The following NSD1 variants were observed in gnomAD, a reference collection of about 807,000 sequenced individuals.
NSD1 encodes the protein histone-lysine N-methyltransferase, H3 lysine-36 specific.
In NSD1, 26 loss-of-function variants were observed where a neutral mutation model predicts 242.7. That is an observed-to-expected ratio of 0.11 (90% confidence interval 0.08 to 0.15). NSD1 has a LOEUF of 0.15. Ranked by LOEUF, NSD1 falls within the 10% of genes least tolerant of loss-of-function variation. The pLI is 1.00. For missense variants in NSD1, 2,495 were observed against 3,272.8 expected (o/e 0.76, Z 5.80); for synonymous variants, 1,106 against 1,178.1 (o/e 0.94, Z 1.25).
Position 177,135,760 on chromosome 5 carries a change from C to T in NSD1, c.657C>T (p.His219=), listed in dbSNP as rs747056546. The stretch of plus-strand genomic sequence containing the variant: ...AAGACAGCACACCAGAGAGTAGACA[C>T]GGTGCAGTCAAATCGCCATTCTTGC... The part of the protein sequence containing the change: ...SEQDSTPESR[H]GAVKSPFLPL... The change falls in exon 2 of 23, where the codon CAC becomes CAT. Residue 219 remains histidine, a synonymous_variant. Transcript: ENST00000439151. 29 of 1,613,918 alleles carry T rather than the reference C, an allele frequency of 1.8e-5. No homozygotes were observed. Among genetic ancestry groups the T allele is most frequent in the East Asian group, 2.2e-5 (1 of 44,882 alleles).
chr5:177,195,791 A>C (rs1762064804), intron 3 of NSD1, among the ~76,000 whole-genome samples: 2 of 152,182 alleles, frequency 1.3e-5, no homozygotes, highest in Non-Finnish European at 2.9e-5. Context: ...TTTCTTATGC[A>C]TACTAGTTGA....
Position 177,288,930 on chromosome 5 carries a change from C to G in NSD1, c.6258+5C>G. The G allele has an allele frequency of 6.2e-7, 1 of 1,605,116 alleles. No individual in the cohort carries two copies. Among genetic ancestry groups the G allele is most frequent in the Non-Finnish European group, 8.5e-7 (1 of 1,171,842 alleles). On this transcript the variant is annotated splice_donor_5th_base_variant and intron_variant, in intron 21 of 22. Transcript: ENST00000439151. Reference sequence around the variant, plus strand: ...TTCTTGGGTGTAAGGCCAAAGGTACCACCCTTCTAGACTTCTGCTTTGGGA... The same window carrying G: ...TTCTTGGGTGTAAGGCCAAAGGTACGACCCTTCTAGACTTCTGCTTTGGGA...
intron 14 of NSD1, among the ~76,000 whole-genome samples, chr5:177,264,085 G>C (rs1197626422): frequency 7.9e-6 from 1 of 126,444 alleles, no homozygotes; most frequent in Non-Finnish European, 1.6e-5. Flanking sequence ...CGTCAGGCTG[G>C]AGTGCAGTGG....
At chr5:177,175,033 G>A (rs916428200) in intron 2 of NSD1, among the ~76,000 whole-genome samples, 2 of 151,550 alleles carry the variant, frequency 1.3e-5, no homozygotes, top group South Asian at 2.1e-4. Flanking sequence ...CACCACGCCC[G>A]GCTAATTTTT....
intron 2 of NSD1, among the ~76,000 whole-genome samples, chr5:177,181,169 A>G (rs1284275490): frequency 6.6e-6 from 1 of 151,714 alleles, no homozygotes; most frequent in African/African-American, 2.4e-5. Flanking sequence ...AGCTGGGACT[A>G]CAGGCACCTG....
At chr5:177,186,011 A>T (rs1177514253) in intron 2 of NSD1, among the ~76,000 whole-genome samples, 156 of 94,506 alleles carry the variant, frequency 1.7e-3, no homozygotes, top group African/African-American at 6.4e-3. Context: ...AATTTATATT[A>T]TATATTATAT....
chr5:177,290,083 C>T (rs1032111830), intron 21 of NSD1, among the ~76,000 whole-genome samples: 30 of 151,726 alleles, frequency 2.0e-4, no homozygotes, highest in Admixed American at 1.3e-3. Context: ...CCGCCTTAGC[C>T]TCCCAAAGTG....
chr5:177,244,510 G>C (rs568151795), intron 9 of NSD1, among the ~76,000 whole-genome samples: 2 of 152,262 alleles, frequency 1.3e-5, no homozygotes, highest in East Asian at 3.9e-4. Context: ...AGAGAGTTAG[G>C]TTATTATCTA....
chr5:177,160,940 T>C (rs1758698803), intron 2 of NSD1, among the ~76,000 whole-genome samples: 1 of 152,082 alleles, frequency 6.6e-6, no homozygotes, highest in African/African-American at 2.4e-5. Context: ...AGCTAATTTT[T>C]GTGTTTTTAG....
intron 2 of NSD1, among the ~76,000 whole-genome samples, chr5:177,174,625 C>G (rs1416915807): frequency 1.3e-5 from 2 of 151,560 alleles, no homozygotes; most frequent in African/African-American, 4.8e-5. Context: ...ATGGCGTGAT[C>G]TTGGCTCACT....
At position 177,292,085 on chromosome 5, in the gene NSD1, C is replaced by G. The variant is rs764586761; in HGVS notation, c.6390C>G (p.Leu2130=). 1 of 1,614,110 alleles carries G rather than the reference C, an allele frequency of 6.2e-7. No homozygotes were observed. Among genetic ancestry groups the G allele is most frequent in the Admixed American group, 1.7e-5 (1 of 60,008 alleles). The part of the protein sequence containing the change: ...ECFSCGDAGQ[L]VSCKKPGCPK... ...TTAGTTGTGGGGATGCTGGCCAGCT[C>G]GTCTCCTGCAAGAAACCAGGCTGCC... The change falls in exon 22 of 23, where the codon CTC becomes CTG. Residue 2130 remains leucine, a synonymous_variant. Coordinates refer to ENST00000439151, the MANE Select transcript of NSD1 (RefSeq NM_022455.5).
At chr5:177,187,510 T>G (rs1761333764) in intron 2 of NSD1, among the ~76,000 whole-genome samples, 1 of 152,264 alleles carries the variant, frequency 6.6e-6, no homozygotes, top group East Asian at 1.9e-4. Flanking sequence ...TGTATTAGTT[T>G]TGGGGGGCTG....
At chr5:177,288,639 G>T in intron 20 of NSD1, 180 bp from the exon 21 acceptor site, 1 of 569,342 alleles carries the variant, frequency 1.8e-6, no homozygotes, top group South Asian at 2.1e-5. Flanking sequence ...AGTTTTCTCT[G>T]TTAAATTGTA....
At chr5:177,246,280 A>G (rs972060096) in intron 9 of NSD1, among the ~76,000 whole-genome samples, 1 of 152,152 alleles carries the variant, frequency 6.6e-6, no homozygotes, top group African/African-American at 2.4e-5. Flanking sequence ...CTTAATCTTT[A>G]AATCATATAG....
chr5:177,266,076 G>C (rs538606994), intron 14 of NSD1: 1 of 1,116,544 alleles, frequency 9.0e-7, no homozygotes, highest in East Asian at 2.4e-5. Flanking sequence ...TTGTACTGCC[G>C]GTCCTCGGTG....
At chr5:177,225,259 C>T (rs1764545763) in intron 5 of NSD1, among the ~76,000 whole-genome samples, 1 of 152,124 alleles carries the variant, frequency 6.6e-6, no homozygotes, top group African/African-American at 2.4e-5. Flanking sequence ...TCTCCTGCCT[C>T]AGCCTCCCAA....
chr5:177,172,412 A>G (rs1440943343), intron 2 of NSD1, among the ~76,000 whole-genome samples: 2 of 152,060 alleles, frequency 1.3e-5, no homozygotes, highest in Non-Finnish European at 2.9e-5. Context: ...TGATGCTTTC[A>G]TCAGGTAAAA....
chr5:177,260,242 CT>C (rs1305375625), intron 14 of NSD1, 74 bp downstream of exon 14: 2 of 1,373,124 alleles, frequency 1.5e-6, no homozygotes, highest in African/African-American at 2.9e-5. Flanking sequence ...AACAAAAATA[CT>C]TTTCATCATA....
rs1165008451 is a variant in NSD1, at chr5:177,280,724, G to A, written c.5782G>A (p.Gly1928Arg). The change falls in exon 18 of 23, where the codon GGA becomes AGA. Residue 1928 changes from glycine to arginine, a missense_variant. By Grantham distance (125) the Gly-to-Arg change is moderately radical. This residue lies in a region of NSD1 where 114 missense variants were observed against 247.4 expected (regional missense o/e 0.46). Transcript: ENST00000439151. ...GTGCCACCCCACAGTGTGTCCTGCC[G>A]GAGGGCGCTGTCAAAACCAGTGCTT... ...YECHPTVCPA[G>R]GRCQNQCFSK... The A allele has an allele frequency of 1.9e-6, 3 of 1,614,230 alleles. No homozygotes were observed. The highest frequency in any genetic ancestry group is 2.5e-6 in the Non-Finnish European group (3 of 1,180,042).
Sources: allele counts gnomAD v4.1 joint callset (sites outside exome capture counted in the v4.1 genomes callset), GRCh38; gene constraint gnomAD v4.1.1; regional missense constraint gnomAD v4.1.1; transcripts MANE v1.5; gene names NCBI Gene and HGNC (gene_info 2026-07-23, HGNC 2026-07-21).